The following MAPK10 variants were observed in gnomAD, a reference collection of about 807,000 sequenced individuals.
MAPK10 encodes the protein mitogen-activated protein kinase 10.
Under a neutral mutation model 59.3 loss-of-function variants are expected in MAPK10, and 25 were observed. That is an observed-to-expected ratio of 0.42 (90% CI 0.31 to 0.59). MAPK10 has a LOEUF of 0.59. Ranked by LOEUF, MAPK10 falls within the 20% of genes least tolerant of loss-of-function variation. MAPK10 has a pLI of 0.15. For missense variants in MAPK10, 351 were observed against 568.9 expected (o/e 0.62, Z 3.90); for synonymous variants, 190 against 200.5 (o/e 0.95, Z 0.44).
intron 1 of MAPK10, among the ~76,000 whole-genome samples, chr4:86,515,273 G>A (rs1428485629): frequency 6.6e-6 from 1 of 152,136 alleles, no homozygotes; most frequent in South Asian, 2.1e-4. Context: ...ATTTTGCATT[G>A]TGAATTGTGC....
intron 2 of MAPK10, among the ~76,000 whole-genome samples, chr4:86,317,597 T>A (rs564062006): frequency 6.6e-6 from 1 of 152,306 alleles, no homozygotes; most frequent in East Asian, 1.9e-4. Context: ...TTTCACACCA[T>A]CTACATTCTA....
At chr4:86,077,101 A>T (rs2049653028) in intron 9 of MAPK10, among the ~76,000 whole-genome samples, 1 of 152,198 alleles carries the variant, frequency 6.6e-6, no homozygotes, top group Admixed American at 6.5e-5. Context: ...ACATAAAAGT[A>T]GAGTTATATT....
At chr4:86,386,935 A>T (rs1741541497) in intron 1 of MAPK10, among the ~76,000 whole-genome samples, 2 of 152,142 alleles carry the variant, frequency 1.3e-5, no homozygotes, top group African/African-American at 4.8e-5. Flanking sequence ...ATGCCTCAAG[A>T]CTGTGGTAGA....
rs907448055 is a variant in MAPK10 at position 86,017,848 on chromosome 4, G to A, written c.1253-478C>T. ...AGCTATTCTCCTGCCTCAGCCTCCC[G>A]AGTAGCTGGGAGTACAGGTGCGCAC... On this transcript the variant is annotated intron_variant, in intron 13 of 13. Transcript: ENST00000641462. This position sits in a 1 kb window ranked among gnomAD's most constrained non-coding sequence, Gnocchi z 4.4. Among the ~76,000 whole-genome samples, 7 of 152,012 alleles carry A rather than the reference G, an allele frequency of 4.6e-5. No individual in the cohort carries two copies. The highest frequency in any genetic ancestry group is 7.3e-5 in the African/African-American group (3 of 41,372).
Position 86,507,636 on chromosome 4 carries a change from A to ATG in MAPK10, c.-263+86273_-263+86274insCA, listed in dbSNP as rs1342608718. On this transcript the variant is annotated intron_variant, in intron 1 of 4. Transcript: ENST00000502302. ...TGGAGATATATATATATATATATAT[A>ATG]TATATATATATATATATATATATAT... 5.5e-5 allele frequency among the ~76,000 whole-genome samples: 4 copies of ATG among 72,450 alleles called. 1 individual carries two copies. In the South Asian group the frequency reaches 1.3e-3, roughly 23 times the overall value. The allele number at this position is 72,450 out of a possible 152,430, so 47.5% of individuals were successfully genotyped here.
intron 2 of MAPK10, among the ~76,000 whole-genome samples, chr4:86,348,671 T>A (rs1398231134): frequency 6.6e-6 from 1 of 150,416 alleles, no homozygotes; most frequent in African/African-American, 2.4e-5. Flanking sequence ...GTTCTTATAA[T>A]AAAAAAAAAA....
chr4:86,581,258 TAA>T (rs528787219), intron 1 of MAPK10, among the ~76,000 whole-genome samples: 9 of 146,972 alleles, frequency 6.1e-5, no homozygotes, highest in Admixed American at 1.4e-4. Flanking sequence ...GTCTGAAATT[TAA>T]AAAAAAAAAT....
At position 86,284,527 on chromosome 4, in the gene MAPK10, C is replaced by T. The variant is rs1009587699; in HGVS notation, c.-7+70003G>A. Among the ~76,000 whole-genome samples the T allele has an allele frequency of 2.6e-5, 4 of 152,108 alleles. No individual in the cohort carries two copies. In the South Asian group the frequency reaches 6.2e-4, roughly 24 times the overall value. On this transcript the variant is annotated intron_variant, in intron 2 of 13. Coordinates refer to ENST00000641462, the MANE Select transcript of MAPK10 (RefSeq NM_138982.4). ...CCTTTCTCTCTGTATTTTGGAAATA[C>T]TTCTTCCACAGAGCTCTGTGCCTCA...
At chr4:86,390,381 C>T (rs552685445) in intron 1 of MAPK10, among the ~76,000 whole-genome samples, 1 of 152,286 alleles carries the variant, frequency 6.6e-6, no homozygotes, top group South Asian at 2.1e-4. Flanking sequence ...CTTTGCAACA[C>T]TTTTGACACC....
intron 3 of MAPK10, chr4:86,191,753 G>T (rs2079942461): frequency 6.6e-6 from 1 of 151,318 alleles, no homozygotes; most frequent in African/African-American, 2.4e-5. Context: ...TTTGATTGGG[G>T]CATTTAGCCC....
At chr4:86,325,057 AAT>A (rs2095991793) in intron 2 of MAPK10, among the ~76,000 whole-genome samples, 1 of 152,162 alleles carries the variant, frequency 6.6e-6, no homozygotes. Flanking sequence ...TTTAGTTTCT[AAT>A]TTCCAACTCT....
chr4:86,301,414 A>G (rs922250745), intron 2 of MAPK10, among the ~76,000 whole-genome samples: 2 of 140,298 alleles, frequency 1.4e-5, no homozygotes, highest in African/African-American at 5.5e-5. Flanking sequence ...CACTAGCTAG[A>G]AAAAAAAAAA....
At chr4:86,242,846 G>A (rs2092823726) in intron 2 of MAPK10, among the ~76,000 whole-genome samples, 1 of 144,790 alleles carries the variant, frequency 6.9e-6, no homozygotes, top group East Asian at 1.9e-4. Flanking sequence ...AACAGGCAGT[G>A]GCAGGTGCTG....
In MAPK10 at chr4:86,433,338, C is replaced by T. The variant is rs1748290660; in HGVS notation, c.-122+19692G>A. Among the ~76,000 whole-genome samples, 5 of 152,100 alleles carry T rather than the reference C, an allele frequency of 3.3e-5. No individual in the cohort carries two copies. In the South Asian group the frequency reaches 1.0e-3, roughly 32 times the overall value. On this transcript the variant is annotated intron_variant, in intron 1 of 13. Coordinates refer to the MAPK10 transcript ENST00000361569. The stretch of plus-strand genomic sequence containing the variant: ...CTGAGGTTTTAGGCCCTCCAGGACC[C>T]CCAGCTGGAGCCAACCTGCAGCTAA...
intron 2 of MAPK10, among the ~76,000 whole-genome samples, chr4:86,236,331 G>T (rs2092225135): frequency 6.6e-6 from 1 of 152,166 alleles, no homozygotes; most frequent in Admixed American, 6.5e-5. Context: ...TGGGAGGAGG[G>T]TGAGGAAGAC....
intron 1 of MAPK10, among the ~76,000 whole-genome samples, chr4:86,559,854 G>A (rs548669842): frequency 3.3e-5 from 5 of 151,060 alleles, no homozygotes; most frequent in Admixed American, 1.3e-4. Flanking sequence ...CAGGAGAATC[G>A]CTTGAACCTG....
chr4:86,576,987 T>C (rs1761947975), intron 1 of MAPK10, among the ~76,000 whole-genome samples: 1 of 152,154 alleles, frequency 6.6e-6, no homozygotes, highest in Non-Finnish European at 1.5e-5. Context: ...GGTAAAAGAA[T>C]TTCCAACATT....
upstream of MAPK10, among the ~76,000 whole-genome samples, chr4:86,454,972 A>C (rs1354873020): frequency 1.3e-5 from 2 of 152,202 alleles, no homozygotes; most frequent in African/African-American, 4.8e-5. Context: ...TTCGGACCCT[A>C]TCTTCAGCCT....
At chr4:86,525,387 GGT>G (rs1244682148) in intron 1 of MAPK10, among the ~76,000 whole-genome samples, 3 of 152,130 alleles carry the variant, frequency 2.0e-5, no homozygotes, top group African/African-American at 4.8e-5. Flanking sequence ...AGAGTGAGGA[GGT>G]TCCCAGGTTT....
Sources: allele counts gnomAD v4.1 joint callset (sites outside exome capture counted in the v4.1 genomes callset), GRCh38; gene constraint gnomAD v4.1.1; non-coding constraint Gnocchi (gnomAD v3.1); transcripts MANE v1.5; gene names NCBI Gene and HGNC (gene_info 2026-07-23, HGNC 2026-07-21).